HDAC9: variants seen among roughly 807,000 people sequenced by gnomAD.
HDAC9 encodes the protein MEF-2 interacting transcription repressor (MITR) protein.
A neutral mutation model predicts 139.4 loss-of-function variants in HDAC9; 41 were observed. The ratio of observed to expected loss-of-function variants is 0.29; its 90% CI spans 0.23 to 0.38. The LOEUF is 0.38. HDAC9 is among the 10% of genes least tolerant of loss of function. The pLI, the probability that HDAC9 is intolerant of heterozygous loss-of-function variation, is 1.00. For missense variants in HDAC9, 1,147 were observed against 1,297.0 expected (o/e 0.88, Z 1.78); for synonymous variants, 517 against 476.2 (o/e 1.09, Z -1.12).
intron 2 of HDAC9, among the ~76,000 whole-genome samples, chr7:18,212,438 T>C (rs1226871622): frequency 6.6e-6 from 1 of 152,198 alleles, no homozygotes; most frequent in Non-Finnish European, 1.5e-5. Context: ...TCAGGCTCTG[T>C]AGCCAGAAAA....
At chr7:18,322,132 A>G (rs1258798546) in intron 1 of HDAC9, among the ~76,000 whole-genome samples, 1 of 152,190 alleles carries the variant, frequency 6.6e-6, no homozygotes, top group Non-Finnish European at 1.5e-5. Flanking sequence ...AGCCTGTATT[A>G]AAGTAATCCC....
At chr7:18,422,082 A>G (rs1250912806) in intron 1 of HDAC9, among the ~76,000 whole-genome samples, 3 of 152,152 alleles carry the variant, frequency 2.0e-5, no homozygotes, top group Admixed American at 6.5e-5. Context: ...TTTATTTTCC[A>G]GATGATATAA....
In HDAC9 at chr7:18,829,302, T is replaced by A. The variant is rs1429640256; in HGVS notation, c.2378+86T>A. On this transcript the variant is annotated intron_variant, in intron 18 of 25. Transcript: ENST00000686413. ...CGTGCATGTTTCTGAAGCCTCTAAT[T>A]GTTAGCAGATGGACTGAAAAATCTT... 9 of 1,209,726 alleles carry A rather than the reference T, an allele frequency of 7.4e-6. No individual in the cohort carries two copies. In the East Asian group the frequency reaches 1.4e-4, roughly 19 times the overall value. The allele number at this position is 1,209,726 out of a possible 1,614,324, so 74.9% of individuals were successfully genotyped here.
chr7:18,894,333 A>G (rs886643059), intron 22 of HDAC9, among the ~76,000 whole-genome samples: 2 of 152,122 alleles, frequency 1.3e-5, no homozygotes, highest in Non-Finnish European at 2.9e-5. Context: ...ACATTATGAC[A>G]TTGGAGCCAT....
intron 1 of HDAC9, among the ~76,000 whole-genome samples, chr7:18,114,382 A>G (rs2128086347): frequency 1.3e-5 from 2 of 152,348 alleles, no homozygotes; most frequent in African/African-American, 2.4e-5. Context: ...CAAAGGAGAA[A>G]TTGGTAGAGA....
chr7:18,562,570 A>G (rs770566442), intron 2 of HDAC9, among the ~76,000 whole-genome samples: 1 of 152,116 alleles, frequency 6.6e-6, no homozygotes, highest in Admixed American at 6.5e-5. Context: ...CATAAATGTA[A>G]TGGTTTCTTT....
rs188554823 is a variant in HDAC9, at chr7:18,612,301, A to G, written c.665-17049A>G. Among the ~76,000 whole-genome samples the G allele has an allele frequency of 1.2e-3, 184 of 152,238 alleles. 1 individual carries two copies. The highest frequency in any genetic ancestry group is 4.1e-3 in the African/African-American group (171 of 41,576). The stretch of plus-strand genomic sequence containing the variant: ...TTTATAAAATGTTTTTTAAAGACAC[A>G]TCAATTGTGTTTGCCACTACCACTA... On this transcript the variant is annotated intron_variant, in intron 6 of 25. Transcript: ENST00000686413.
intron 1 of HDAC9, among the ~76,000 whole-genome samples, chr7:18,315,361 G>T (rs1585134925): frequency 6.6e-6 from 1 of 152,170 alleles, no homozygotes; most frequent in East Asian, 1.9e-4. Flanking sequence ...AGGAACTGAG[G>T]CACAGCGTGG....
intron 17 of HDAC9, among the ~76,000 whole-genome samples, chr7:18,806,101 A>G (rs1321512524): frequency 2.0e-5 from 3 of 150,700 alleles, no homozygotes; most frequent in African/African-American, 4.9e-5. Flanking sequence ...TCTATAGTAA[A>G]AGTAACTGAA....
At chr7:18,737,356 C>G (rs1413681819) in intron 13 of HDAC9, among the ~76,000 whole-genome samples, 4 of 152,136 alleles carry the variant, frequency 2.6e-5, no homozygotes, top group Admixed American at 6.6e-5. Flanking sequence ...TTCCTGCTTT[C>G]TCTTGTGGGC....
At chr7:18,444,006 A>G (rs12673729) in intron 1 of HDAC9, among the ~76,000 whole-genome samples, 5,339 of 152,036 alleles carry the variant, frequency 0.035, 119 homozygotes, top group African/African-American at 0.067. Context: ...GTATCTGTCT[A>G]TCTGAAGGAG....
At chr7:18,884,631 C>G (rs1411116459) in intron 22 of HDAC9, among the ~76,000 whole-genome samples, 1 of 152,152 alleles carries the variant, frequency 6.6e-6, no homozygotes, top group Non-Finnish European at 1.5e-5. Flanking sequence ...GCTATAGTTA[C>G]TATTATAAAC....
intron 1 of HDAC9, among the ~76,000 whole-genome samples, chr7:18,159,339 T>C (rs1366782252): frequency 6.6e-6 from 1 of 152,198 alleles, no homozygotes; most frequent in Admixed American, 6.5e-5. Flanking sequence ...GAATGACTAA[T>C]ATATGAGGGG....
chr7:18,910,637 C>T (rs1802657685), intron 22 of HDAC9, among the ~76,000 whole-genome samples: 1 of 151,854 alleles, frequency 6.6e-6, no homozygotes, highest in South Asian at 2.1e-4. Context: ...ACAGAAAAAG[C>T]TTTCAGCATT....
At chr7:18,821,942 A>C (rs1434682995) in intron 17 of HDAC9, among the ~76,000 whole-genome samples, 1 of 152,228 alleles carries the variant, frequency 6.6e-6, no homozygotes, top group Non-Finnish European at 1.5e-5. Flanking sequence ...ACTCAGGAAC[A>C]GCCAGATGGA....
intron 6 of HDAC9, among the ~76,000 whole-genome samples, chr7:18,608,631 A>C (rs1424229915): frequency 6.6e-6 from 1 of 152,140 alleles, no homozygotes; most frequent in Non-Finnish European, 1.5e-5. Flanking sequence ...TGAGATATTA[A>C]ATTTTATAAT....
chr7:18,858,172 T>C (rs1222759602), intron 21 of HDAC9, among the ~76,000 whole-genome samples: 1 of 152,182 alleles, frequency 6.6e-6, no homozygotes, highest in Non-Finnish European at 1.5e-5. Flanking sequence ...GCTAGCTATC[T>C]GTGCATATGG....
intron 1 of HDAC9, among the ~76,000 whole-genome samples, chr7:18,409,755 T>C (rs1475925351): frequency 6.6e-6 from 1 of 152,172 alleles, no homozygotes; most frequent in Non-Finnish European, 1.5e-5. Flanking sequence ...TTGGAAAAAG[T>C]GATAAGGGGA....
intron 13 of HDAC9, among the ~76,000 whole-genome samples, chr7:18,729,186 G>A (rs1433159029): frequency 6.6e-6 from 1 of 152,026 alleles, no homozygotes; most frequent in Non-Finnish European, 1.5e-5. Context: ...TCTTTCTCCT[G>A]AAAGTGTCTT....
Sources: allele counts gnomAD v4.1 joint callset (sites outside exome capture counted in the v4.1 genomes callset), GRCh38; gene constraint gnomAD v4.1.1; transcripts MANE v1.5; gene names NCBI Gene and HGNC (gene_info 2026-07-23, HGNC 2026-07-21).